The following ANAPC7 variants were observed in gnomAD, a reference collection of about 807,000 sequenced individuals.
ANAPC7 encodes anaphase promoting complex subunit 7.
ANAPC7 carries 25 observed loss-of-function variants against 63.3 expected under a neutral mutation model. That is an observed-to-expected ratio of 0.39 (90% CI 0.29 to 0.55). The LOEUF (loss-of-function observed/expected upper bound fraction) is 0.55, where lower values mean the gene tolerates loss of function less well. ANAPC7 is among the 20% of genes least tolerant of loss of function. The pLI is 0.57. For missense variants in ANAPC7, 516 were observed against 691.7 expected, an observed-to-expected ratio of 0.75 and a Z score of 2.85; for synonymous variants, 241 against 251.7, an observed-to-expected ratio of 0.96 and a Z score of 0.40.
At chr12:110,380,162 C>A (rs1240196341) in intron 8 of ANAPC7, among the ~76,000 whole-genome samples, 2 of 152,302 alleles carry the variant, frequency 1.3e-5, no homozygotes, top group East Asian at 3.9e-4. Context: ...ACCAGCCTGG[C>A]TAACATGGCG....
chr12:110,382,055 C>T (rs1057330236), intron 7 of ANAPC7, 107 bp from the exon 8 acceptor site: 4 of 1,121,162 alleles, frequency 3.6e-6, no homozygotes, highest in Non-Finnish European at 4.9e-6. Flanking sequence ...TGAACATAAT[C>T]CTTATTCCAA....
chr12:110,387,545 T>G (rs1264280134), intron 5 of ANAPC7, 194 bp downstream of exon 5: 2 of 558,246 alleles, frequency 3.6e-6, no homozygotes, highest in Admixed American at 7.1e-5. Flanking sequence ...GATTTCTATT[T>G]TTACAGGTCT....
chr12:110,375,782 G>T, intron 10 of ANAPC7: 1 of 1,078,466 alleles, frequency 9.3e-7, no homozygotes, highest in Non-Finnish European at 1.1e-6. Context: ...ATAAAAATAT[G>T]TGTGTGTGGG....
chr12:110,394,968 T>C (rs1245836779), intron 3 of ANAPC7, 133 bp downstream of exon 3: 3 of 1,105,996 alleles, frequency 2.7e-6, no homozygotes, highest in Non-Finnish European at 2.5e-6. Flanking sequence ...CCCCACTCCA[T>C]GAAGAGGAAG....
chr12:110,375,409 TAA>T (rs1398950540), intron 10 of ANAPC7: 1 of 985,096 alleles, frequency 1.0e-6, no homozygotes, highest in African/African-American at 1.7e-5. Context: ...CAGACTCTAT[TAA>T]AGACAGCCCT....
Position 110,373,874 on chromosome 12 carries a change from C to G in ANAPC7, c.*270G>C. 5.3e-6 allele frequency: 2 copies of G among 374,142 alleles called. No homozygotes were observed. The highest frequency in any genetic ancestry group is 4.7e-6 in the Non-Finnish European group (1 of 211,262). The allele number at this position is 374,142 out of a possible 1,614,324, so 23.2% of individuals were successfully genotyped here. A position where few individuals can be genotyped will look rare whatever the true frequency, so the allele number is the denominator to read the frequency against. On this transcript the variant is annotated 3_prime_UTR_variant, in exon 11 of 11. Transcript: ENST00000455511. ...TTAGTTATATAAAAAGTACTCTTGGCCCAGAAGCCCCAACATGTGCGTGGG... is the reference window on the plus strand; with the variant it reads ...TTAGTTATATAAAAAGTACTCTTGGGCCAGAAGCCCCAACATGTGCGTGGG...
chr12:110,387,567 G>T, intron 5 of ANAPC7, 172 bp downstream of exon 5: 1 of 668,430 alleles, frequency 1.5e-6, no homozygotes, highest in Non-Finnish European at 2.4e-6. Context: ...CAACAGAGAT[G>T]ATTACATGAT....
intron 1 of ANAPC7, among the ~76,000 whole-genome samples, chr12:110,403,146 G>A (rs1225285323): frequency 6.6e-6 from 1 of 152,168 alleles, no homozygotes. Flanking sequence ...CCAGGAGGCT[G>A]GGTCCCTGAG....
At chr12:110,398,716 G>T (rs2062178421) in intron 1 of ANAPC7, among the ~76,000 whole-genome samples, 1 of 152,164 alleles carries the variant, frequency 6.6e-6, no homozygotes, top group African/African-American at 2.4e-5. Flanking sequence ...CCAGCACTTT[G>T]TGAGGCCAAG....
chr12:110,383,875 C>CAAAAAA (rs1159374781), intron 6 of ANAPC7, among the ~76,000 whole-genome samples: 23 of 50,672 alleles, frequency 4.5e-4, no homozygotes, highest in African/African-American at 1.2e-3. Context: ...GACTCCGTCT[C>CAAAAAA]AAAAAAAAAA....
chr12:110,386,234 C>T lies in ANAPC7; in HGVS notation c.817+93G>A, dbSNP rs984262485. ...AGTTTTATACACCATTTCTATGAAA[C>T]TTGGTATCGAGTATTAATGCTGCAT... is the stretch of plus-strand genomic sequence containing the variant. On this transcript the variant is annotated intron_variant, in intron 6 of 10. Transcript: ENST00000455511. The T allele has an allele frequency of 2.0e-6, 3 of 1,538,368 alleles. No individual in the cohort carries two copies. The East Asian group carries it at 6.8e-5, about 35-fold the overall frequency.
intron 3 of ANAPC7, 69 bp downstream of exon 3, chr12:110,395,032 G>A (rs1883449785): frequency 1.3e-6 from 2 of 1,545,450 alleles, no homozygotes; most frequent in African/African-American, 1.4e-5. Flanking sequence ...CTTAATGCAT[G>A]AGAAAACATG....
chr12:110,382,086 C>T (rs1021529656), intron 7 of ANAPC7, 138 bp from the exon 8 acceptor site: 45 of 848,324 alleles, frequency 5.3e-5, no homozygotes, highest in Non-Finnish European at 7.4e-5. Flanking sequence ...TAGTTTTAAC[C>T]TAAGATATTA....
intron 1 of ANAPC7, among the ~76,000 whole-genome samples, chr12:110,401,404 C>T (rs1231596939): frequency 6.6e-6 from 1 of 152,124 alleles, no homozygotes; most frequent in Admixed American, 6.6e-5. Context: ...ACAGCCACTG[C>T]GCTTTCAATT....
rs769561629 is a variant in ANAPC7, at chr12:110,377,470, G to A, written c.1280C>T (p.Ala427Val). 4 of 1,614,144 alleles carry A rather than the reference G, an allele frequency of 2.5e-6. No homozygotes were observed. Among genetic ancestry groups the A allele is most frequent in the Non-Finnish European group, 3.4e-6 (4 of 1,180,020 alleles). ...CLEDPVTQEK[A>V]KTLLDKALTQ... ...CAGGGCTTTATCTAATAATGTTTTG[G>A]CTTTCTCCTGTGTCACTGGGTCTTC... is the stretch of plus-strand genomic sequence containing the variant. The change falls in exon 9 of 11, where the codon GCC becomes GTC. Residue 427 changes from alanine (A) to valine (V), a missense_variant. This residue lies in a region of ANAPC7 where 122 missense variants were observed against 212.0 expected (regional missense o/e 0.58). Transcript: ENST00000455511.
At chr12:110,399,060 G>A (rs551707197) in intron 1 of ANAPC7, among the ~76,000 whole-genome samples, 9 of 145,696 alleles carry the variant, frequency 6.2e-5, no homozygotes, top group Non-Finnish European at 7.5e-5. Context: ...TTACTCTGTC[G>A]CCCAGGCTAG....
chr12:110,381,757 T>C lies in ANAPC7; in HGVS notation c.1127A>G (p.Tyr376Cys), dbSNP rs757172491. 4 of 1,612,978 alleles carry C rather than the reference T, an allele frequency of 2.5e-6. No homozygotes were observed. ...ACCTATGTTTTCTTTCTTACCTTCATAACAATCTAAGCGACAAGGTGCGAG... is the reference window on the plus strand; with the variant it reads ...ACCTATGTTTTCTTTCTTACCTTCACAACAATCTAAGCGACAAGGTGCGAG... ...IRLAPCRLDC[Y>C]EGLIECYLAS... Residue 376 changes from tyrosine to cysteine, a missense_variant, in exon 8 of 11, where the codon TAT (tyrosine) becomes TGT (cysteine). Around this residue, in one of 4 missense-constraint regions of ANAPC7, gnomAD observed 199 missense variants for 249.3 expected, o/e 0.80. Transcript: ENST00000455511.
In ANAPC7 at chr12:110,396,461, C is replaced by T. The variant is rs200316709; in HGVS notation, c.102-9G>A. The T allele has an allele frequency of 8.2e-6, 13 of 1,584,586 alleles. No individual in the cohort carries two copies. In the East Asian group the frequency reaches 2.2e-4, roughly 27 times the overall value. ...GTGGGGAGAATAACTCACTAGAAAA[C>T]AAGAGAAAATGTAATACATCTTTTC... On this transcript the variant is annotated splice_polypyrimidine_tract_variant and intron_variant, in intron 1 of 10. Coordinates refer to ENST00000455511, the MANE Select transcript of ANAPC7 (RefSeq NM_016238.3).
At chr12:110,377,342 A>C (rs1477998943) in intron 9 of ANAPC7, 51 bp downstream of exon 9, 6 of 1,522,404 alleles carry the variant, frequency 3.9e-6, no homozygotes, top group Non-Finnish European at 5.4e-6. Flanking sequence ...AACTGAGGTC[A>C]GGTTTTATAA....
Sources: gnomAD v4.1 joint callset for allele counts (sites outside exome capture counted in the v4.1 genomes callset) on GRCh38, gnomAD v4.1.1 for gene constraint, gnomAD v4.1.1 regional missense constraint, MANE v1.5 for transcripts, NCBI Gene and HGNC (gene_info 2026-07-23, HGNC 2026-07-21) for gene names.